KRABD2: variants seen among roughly 807,000 people sequenced by gnomAD.
The protein encoded by KRABD2 is KRAB domain-containing protein 2.
chr17:8,362,143 C>A, the KRABD2 span, among the ~76,000 whole-genome samples: 1 of 152,050 alleles, frequency 6.6e-6, no homozygotes, highest in Non-Finnish European at 1.5e-5. This position sits in a 1 kb window ranked among gnomAD's most constrained non-coding sequence, Gnocchi z 4.2. Flanking sequence ...ACCGTCCTGG[C>A]TAACATGGTG....
chr17:8,364,329 A>G, the KRABD2 span, among the ~76,000 whole-genome samples: 1 of 152,130 alleles, frequency 6.6e-6, no homozygotes, highest in Non-Finnish European at 1.5e-5. This position sits in a 1 kb window ranked among gnomAD's most constrained non-coding sequence, Gnocchi z 4.4. Context: ...AGAGATACAC[A>G]GGTCTGTTGC....
At chr17:8,375,693 TTTTC>T in the KRABD2 span, 133 of 185,460 alleles carry the variant, frequency 7.2e-4, no homozygotes, top group Middle Eastern at 7.1e-3. Flanking sequence ...TAATTTTTTC[TTTTC>T]TTTCTTTTTT....
chr17:8,372,992 A>C, the KRABD2 span, among the ~76,000 whole-genome samples: 1 of 152,256 alleles, frequency 6.6e-6, no homozygotes, highest in African/African-American at 2.4e-5. The surrounding 1 kb of genome is among the most constrained non-coding windows in gnomAD (Gnocchi z 4.1). Context: ...GTAGAGGTAC[A>C]GTCCTTACTA....
the KRABD2 span, chr17:8,359,757 T>C: frequency 4.4e-6 from 2 of 456,054 alleles, no homozygotes; most frequent in Admixed American, 4.7e-5. Context: ...AGGCAGGGTT[T>C]CAGGACTGGG....
the KRABD2 span, among the ~76,000 whole-genome samples, chr17:8,360,143 G>A: frequency 6.6e-6 from 1 of 152,124 alleles, no homozygotes; most frequent in African/African-American, 2.4e-5. Context: ...TGAGCAAGGA[G>A]CTAGTCAACA....
At chr17:8,374,495 C>T in the KRABD2 span, among the ~76,000 whole-genome samples, 4 of 151,888 alleles carry the variant, frequency 2.6e-5, no homozygotes, top group Non-Finnish European at 5.9e-5. Context: ...TGCGGAAGGC[C>T]GCAGGGTCCT....
the KRABD2 span, among the ~76,000 whole-genome samples, chr17:8,360,081 T>G: frequency 1.3e-5 from 2 of 152,062 alleles, no homozygotes; most frequent in Non-Finnish European, 2.9e-5. Flanking sequence ...GGGAAATGCA[T>G]AAAAGTGAAA....
chr17:8,361,096 C>G, the KRABD2 span, among the ~76,000 whole-genome samples: 2 of 152,104 alleles, frequency 1.3e-5, no homozygotes, highest in Non-Finnish European at 2.9e-5. Context: ...GAGCTGCAGA[C>G]AAGCAGATTC....
chr17:8,370,012 G>A, the KRABD2 span: 2 of 1,614,166 alleles, frequency 1.2e-6, no homozygotes, highest in Non-Finnish European at 1.7e-6. Context: ...ATACTGAGAT[G>A]TGTATCATGA....
chr17:8,376,015 G>A, the KRABD2 span: 2 of 1,231,526 alleles, frequency 1.6e-6, no homozygotes, highest in Non-Finnish European at 2.0e-6. Flanking sequence ...TTAGCTGATT[G>A]CCATCTCTCC....
chr17:8,362,458 A>G, the KRABD2 span, among the ~76,000 whole-genome samples: 37,799 of 152,190 alleles, frequency 0.25, 5,341 homozygotes, highest in Admixed American at 0.39. This position sits in a 1 kb window ranked among gnomAD's most constrained non-coding sequence, Gnocchi z 4.2. Flanking sequence ...GTTGTCTCCA[A>G]TCAACAAAGG....
the KRABD2 span, chr17:8,376,107 A>C: frequency 8.1e-7 from 1 of 1,231,586 alleles, no homozygotes; most frequent in Non-Finnish European, 1.0e-6. Context: ...TATACAACCT[A>C]TAAGGTAGGG....
chr17:8,366,266 A>G, the KRABD2 span, among the ~76,000 whole-genome samples: 1 of 152,188 alleles, frequency 6.6e-6, no homozygotes, highest in Non-Finnish European at 1.5e-5. Context: ...TTGGGAACAT[A>G]GGAGTACACA....
chr17:8,369,226 C>G, the KRABD2 span: 1 of 1,614,226 alleles, frequency 6.2e-7, no homozygotes, highest in African/African-American at 1.3e-5. Flanking sequence ...TCAGATCTGT[C>G]TGCTCCAATC....
chr17:8,372,073 G>GGCAGAATCCTGAGAAGCAGA, the KRABD2 span: 2 of 985,302 alleles, frequency 2.0e-6, no homozygotes, highest in African/African-American at 3.5e-5. The surrounding 1 kb of genome is among the most constrained non-coding windows in gnomAD (Gnocchi z 4.1). Flanking sequence ...GGAGGGGCAG[G>GGCAGAATCCTGAGAAGCAGA]GCAGAATCCT....
the KRABD2 span, among the ~76,000 whole-genome samples, chr17:8,374,140 T>C: frequency 3.3e-5 from 5 of 152,360 alleles, no homozygotes; most frequent in South Asian, 1.0e-3. Flanking sequence ...CAACAGCTCA[T>C]TGAGGACGGG....
the KRABD2 span, among the ~76,000 whole-genome samples, chr17:8,375,055 A>T: frequency 1.3e-5 from 2 of 150,054 alleles, no homozygotes; most frequent in Admixed American, 1.3e-4. Flanking sequence ...TCTGTCATCC[A>T]GGCTGGAGTG....
At chr17:8,374,058 C>A in the KRABD2 span, among the ~76,000 whole-genome samples, 1 of 147,264 alleles carries the variant, frequency 6.8e-6, no homozygotes, top group African/African-American at 2.5e-5. Flanking sequence ...GCAGCCCCCG[C>A]CCGGCCGGCC....
the KRABD2 span, among the ~76,000 whole-genome samples, chr17:8,363,863 T>TATATATATATATATA: frequency 5.4e-5 from 3 of 55,736 alleles, no homozygotes; most frequent in Middle Eastern, 0.011. Flanking sequence ...ATATATATAT[T>TATATATATATATATA]TATTTATTTA....
Sources: gnomAD v4.1 joint callset for allele counts (sites outside exome capture counted in the v4.1 genomes callset) on GRCh38, gnomAD v4.1.1 for gene constraint, Gnocchi (gnomAD v3.1) non-coding constraint, MANE v1.5 for transcripts, NCBI Gene and HGNC (gene_info 2026-07-23, HGNC 2026-07-21) for gene names.